The following SLC39A11 variants were observed in gnomAD, a reference collection of about 807,000 sequenced individuals.
SLC39A11 encodes solute carrier family 39 member 11, also known as zinc transporter ZIP11.
SLC39A11 carries 33 observed loss-of-function variants against 36.1 expected under a neutral mutation model. The ratio of observed to expected loss-of-function variants is 0.91; its 90% confidence interval spans 0.69 to 1.22. The LOEUF (loss-of-function observed/expected upper bound fraction) is 1.22. SLC39A11 is among the 50% of genes most tolerant of loss of function. The pLI is 0.00. For missense variants in SLC39A11, 432 were observed against 430.3 expected, an observed-to-expected ratio of 1.00 and a Z score of -0.03; for synonymous variants, 166 against 170.3, an observed-to-expected ratio of 0.97 and a Z score of 0.20.
intron 7 of SLC39A11, among the ~76,000 whole-genome samples, chr17:72,733,721 T>C (rs2074320231): frequency 6.6e-6 from 1 of 152,192 alleles, no homozygotes; most frequent in African/African-American, 2.4e-5. Flanking sequence ...GTGCCTTTTC[T>C]TTTCCCTCTT....
chr17:72,803,542 T>C (rs2077162522), intron 6 of SLC39A11, among the ~76,000 whole-genome samples: 1 of 152,190 alleles, frequency 6.6e-6, no homozygotes, highest in Non-Finnish European at 1.5e-5. Context: ...GCATGCCTCT[T>C]CCCTCATGGC....
At chr17:72,988,494 ATTAAG>A (rs1210849755) in intron 4 of SLC39A11, among the ~76,000 whole-genome samples, 2 of 152,098 alleles carry the variant, frequency 1.3e-5, no homozygotes, top group East Asian at 1.9e-4. Flanking sequence ...CAAATGTACA[ATTAAG>A]TTATTACTGA....
At chr17:72,733,264 G>A (rs1181361134) in intron 7 of SLC39A11, among the ~76,000 whole-genome samples, 1 of 152,130 alleles carries the variant, frequency 6.6e-6, no homozygotes, top group African/African-American at 2.4e-5. Flanking sequence ...TAAAAACCAT[G>A]TTTACTAGTT....
At chr17:72,955,642 T>C (rs758389318) in intron 4 of SLC39A11, among the ~76,000 whole-genome samples, 77 of 152,126 alleles carry the variant, frequency 5.1e-4, no homozygotes, top group Admixed American at 9.8e-4. Context: ...CTCAAAGCCA[T>C]GAGGCTCAAA....
At chr17:73,004,199 G>GA (rs1252824224) in intron 4 of SLC39A11, among the ~76,000 whole-genome samples, 3 of 100,676 alleles carry the variant, frequency 3.0e-5, no homozygotes, top group African/African-American at 1.1e-4. Flanking sequence ...AAGAAAGAAA[G>GA]AAAGAAAGAA....
chr17:72,771,766 T>C (rs1359411609), intron 6 of SLC39A11, among the ~76,000 whole-genome samples: 2 of 152,232 alleles, frequency 1.3e-5, no homozygotes, highest in Non-Finnish European at 2.9e-5. Flanking sequence ...GATTTTTATC[T>C]TTTACATGTC....
At chr17:72,833,244 C>G (rs1162470400) in intron 6 of SLC39A11, among the ~76,000 whole-genome samples, 1 of 125,482 alleles carries the variant, frequency 8.0e-6, no homozygotes, top group African/African-American at 2.8e-5. Context: ...GGAATGAAAT[C>G]ACTTGTAGCG....
At chr17:72,785,634 G>A (rs986748818) in intron 6 of SLC39A11, among the ~76,000 whole-genome samples, 10 of 152,204 alleles carry the variant, frequency 6.6e-5, no homozygotes, top group South Asian at 4.1e-4. Context: ...CAGAGAGGAC[G>A]TAGGAAGGGA....
intron 5 of SLC39A11, among the ~76,000 whole-genome samples, chr17:72,897,075 A>AAC (rs1309896435): frequency 4.1e-5 from 6 of 147,262 alleles, no homozygotes; most frequent in East Asian, 2.0e-4. Context: ...AAAAAAACAA[A>AAC]CAGAAAAACA....
chr17:73,047,662 A>AAAAAAT (rs1272219775), intron 3 of SLC39A11, among the ~76,000 whole-genome samples: 1 of 151,872 alleles, frequency 6.6e-6, no homozygotes, highest in Non-Finnish European at 1.5e-5. Context: ...GTGGCACTTA[A>AAAAAAT]AAAAATAAAA....
At chr17:72,731,001 C>T (rs2074194595) in intron 7 of SLC39A11, among the ~76,000 whole-genome samples, 1 of 152,222 alleles carries the variant, frequency 6.6e-6, no homozygotes, top group Non-Finnish European at 1.5e-5. Flanking sequence ...ATCCGCCCGC[C>T]TCGGCCTCCC....
intron 4 of SLC39A11, among the ~76,000 whole-genome samples, chr17:72,995,085 G>T (rs2089428291): frequency 6.6e-6 from 1 of 152,156 alleles, no homozygotes. Flanking sequence ...CTGCCTTCCT[G>T]TCTTGACCTC....
chr17:72,905,172 CAAAAA>C (rs58702930), intron 5 of SLC39A11, among the ~76,000 whole-genome samples: 5,602 of 42,100 alleles, frequency 0.13, 107 homozygotes, highest in African/African-American at 0.23. Context: ...GACTCCATCT[CAAAAA>C]AAAAAAAAAA....
At chr17:72,827,711 C>T (rs2078091203) in intron 6 of SLC39A11, among the ~76,000 whole-genome samples, 1 of 152,086 alleles carries the variant, frequency 6.6e-6, no homozygotes, top group Admixed American at 6.6e-5. Context: ...GGATACAGAT[C>T]CCTCAACCAG....
intron 4 of SLC39A11, among the ~76,000 whole-genome samples, chr17:73,017,446 C>G (rs1478437738): frequency 2.6e-5 from 4 of 152,168 alleles, no homozygotes; most frequent in Non-Finnish European, 5.9e-5. Flanking sequence ...GGAGTGGTGG[C>G]TCACATCTGG....
chr17:72,682,367 C>T (rs2071546469), intron 7 of SLC39A11, among the ~76,000 whole-genome samples: 1 of 144,474 alleles, frequency 6.9e-6, no homozygotes, highest in African/African-American at 2.6e-5. Flanking sequence ...AGGTTGGAGA[C>T]TGCTGGTATA....
chr17:72,673,020 C>A (rs1449295871), intron 7 of SLC39A11, among the ~76,000 whole-genome samples: 1 of 152,142 alleles, frequency 6.6e-6, no homozygotes, highest in Non-Finnish European at 1.5e-5. Flanking sequence ...ACTTTATGGC[C>A]CACAAAGCTG....
chr17:72,894,499 TAAA>T (rs35812666), intron 5 of SLC39A11, among the ~76,000 whole-genome samples: 8 of 110,508 alleles, frequency 7.2e-5, no homozygotes, highest in South Asian at 3.2e-4. Context: ...TCATCCCTAC[TAAA>T]AAAAAAAAAA....
At chr17:72,936,369 G>A (rs1252017581) in intron 5 of SLC39A11, among the ~76,000 whole-genome samples, 1 of 133,436 alleles carries the variant, frequency 7.5e-6, no homozygotes, top group African/African-American at 2.8e-5. Flanking sequence ...GAGACCACAG[G>A]GTATAACTAC....
Sources: allele counts gnomAD v4.1 joint callset (sites outside exome capture counted in the v4.1 genomes callset), GRCh38; gene constraint gnomAD v4.1.1; transcripts MANE v1.5; gene names NCBI Gene and HGNC (gene_info 2026-07-23, HGNC 2026-07-21).